Variants in MMP26 observed in about 807,000 individuals in gnomAD.
MMP26 encodes the protein matrix metalloproteinase-26.
In MMP26, 33 loss-of-function variants were observed where a neutral mutation model predicts 31.0. That is an observed-to-expected ratio of 1.06 (90% CI 0.81 to 1.42). The LOEUF (loss-of-function observed/expected upper bound fraction) is 1.42, where lower values mean the gene tolerates loss of function less well. MMP26 is among the 40% of genes most tolerant of loss of function. The pLI is 0.00. For synonymous variants in MMP26, 122 were observed against 114.9 expected (o/e 1.06, Z -0.40); for missense variants, 347 against 316.1 (o/e 1.10, Z -0.74).
rs374028061 is a variant in MMP26, at chr11:4,774,113, T to C, written c.-145+6772T>C. ...TGCAATGAACATACATGTACATGTT[T>C]CTTTGTAACAGAATAATTTCTATTC... is the stretch of plus-strand genomic sequence containing the variant. On this transcript the variant is annotated intron_variant, in intron 2 of 7. Coordinates refer to ENST00000380390, the MANE Select transcript of MMP26 (RefSeq NM_021801.5). Among the ~76,000 whole-genome samples the C allele has an allele frequency of 1.9e-3, 297 of 152,336 alleles. 1 individual carries two copies. The highest frequency in any genetic ancestry group is 6.7e-3 in the African/African-American group (279 of 41,574).
rs141435194 is a variant in MMP26 at position 4,738,178 on chromosome 11, A to G, written c.-216-29092A>G. On this transcript the variant is annotated intron_variant, in intron 1 of 7. Transcript: ENST00000380390. ...TTTGGTATCTGTCCAAGGAGCATTC[A>G]TGTTTGCCACCTTTCCTTCTTACCT... 3.7e-4 allele frequency among the ~76,000 whole-genome samples: 56 copies of G among 152,216 alleles called. 1 individual carries two copies. The East Asian group carries it at 0.011, about 29-fold the overall frequency.
intron 1 of MMP26, among the ~76,000 whole-genome samples, chr11:4,715,793 T>G (rs180723897): frequency 7.1e-4 from 108 of 152,284 alleles, no homozygotes; most frequent in African/African-American, 2.4e-3. Context: ...TCCTGAGCAA[T>G]ACCCATGCCT....
At chr11:4,775,798 C>T (rs1281803159) in intron 2 of MMP26, among the ~76,000 whole-genome samples, 3 of 149,832 alleles carry the variant, frequency 2.0e-5, no homozygotes, top group African/African-American at 7.6e-5. Flanking sequence ...AGGAGCCAGG[C>T]CTTTATTCTG....
At chr11:4,792,482 G>A (rs955050081) in intron 2 of MMP26, among the ~76,000 whole-genome samples, 2 of 152,138 alleles carry the variant, frequency 1.3e-5, no homozygotes, top group Non-Finnish European at 2.9e-5. Flanking sequence ...GTGACTTTGA[G>A]AGTAAAGAGC....
chr11:4,780,575 G>T (rs566737277), intron 2 of MMP26, among the ~76,000 whole-genome samples: 59 of 152,062 alleles, frequency 3.9e-4, no homozygotes, highest in African/African-American at 1.4e-3. Flanking sequence ...TTGGTTATAT[G>T]TAAAAAGGAT....
At chr11:4,727,060 A>C (rs1208230024) in intron 1 of MMP26, among the ~76,000 whole-genome samples, 1 of 152,188 alleles carries the variant, frequency 6.6e-6, no homozygotes, top group Non-Finnish European at 1.5e-5. Context: ...AAAACAAGTA[A>C]GACTTTCTAT....
intron 2 of MMP26, among the ~76,000 whole-genome samples, chr11:4,768,753 A>G (rs1848664180): frequency 6.6e-6 from 1 of 152,204 alleles, no homozygotes; most frequent in Non-Finnish European, 1.5e-5. Context: ...TGCCAGGAGT[A>G]TTATTTATCA....
intron 2 of MMP26, among the ~76,000 whole-genome samples, chr11:4,873,130 A>G (rs1240149783): frequency 3.3e-5 from 5 of 152,072 alleles, no homozygotes; most frequent in African/African-American, 1.2e-4. Context: ...TTAATTAAAC[A>G]TGATCAACTT....
At chr11:4,709,297 T>C (rs1847826018) in intron 1 of MMP26, among the ~76,000 whole-genome samples, 1 of 152,174 alleles carries the variant, frequency 6.6e-6, no homozygotes, top group South Asian at 2.1e-4. Flanking sequence ...TATATGTATA[T>C]ATAAGTATCC....
At chr11:4,937,854 C>G (rs1846150365) in intron 2 of MMP26, 1 of 152,446 alleles carries the variant, frequency 6.6e-6, no homozygotes, top group African/African-American at 2.4e-5. Flanking sequence ...TCAGAAGAAC[C>G]CCTGTTTTGA....
Position 4,958,960 on chromosome 11 carries a change from C to T in MMP26, c.-144-29108C>T, listed in dbSNP as rs571810151. Among the ~76,000 whole-genome samples the T allele has an allele frequency of 6.2e-4, 94 of 152,206 alleles. 2 individuals are homozygous for T. In the South Asian group the frequency reaches 7.7e-3, roughly 12 times the overall value. On this transcript the variant is annotated intron_variant, in intron 2 of 7. Transcript: ENST00000380390. Reference sequence around the variant, plus strand: ...CAATTAACAAATGCAGAAGATAGGCCGGGCGCGGTGGCTCACGCCTGTAAT... The same window carrying T: ...CAATTAACAAATGCAGAAGATAGGCTGGGCGCGGTGGCTCACGCCTGTAAT...
At chr11:4,828,355 T>C (rs1459755763) in intron 2 of MMP26, among the ~76,000 whole-genome samples, 1 of 152,210 alleles carries the variant, frequency 6.6e-6, no homozygotes, top group Non-Finnish European at 1.5e-5. Context: ...AGTTGTCCTC[T>C]GAGCTATAAG....
chr11:4,813,232 G>A (rs1004591822), intron 2 of MMP26, among the ~76,000 whole-genome samples: 3 of 151,980 alleles, frequency 2.0e-5, no homozygotes, highest in Non-Finnish European at 2.9e-5. Context: ...CTTTTAAATA[G>A]TTTTAATGAA....
At chr11:4,961,446 A>G (rs1466398861) in intron 2 of MMP26, among the ~76,000 whole-genome samples, 1 of 152,164 alleles carries the variant, frequency 6.6e-6, no homozygotes, top group Admixed American at 6.5e-5. Flanking sequence ...ACCCTCACGG[A>G]CACATCCAAA....
At chr11:4,881,303 A>G (rs1250953924) in intron 2 of MMP26, among the ~76,000 whole-genome samples, 1 of 152,128 alleles carries the variant, frequency 6.6e-6, no homozygotes, top group African/African-American at 2.4e-5. Flanking sequence ...TTTATGAGAT[A>G]TCATTCCAAG....
intron 2 of MMP26, among the ~76,000 whole-genome samples, chr11:4,849,755 T>G (rs183872936): frequency 2.6e-5 from 4 of 152,284 alleles, no homozygotes; most frequent in Admixed American, 2.6e-4. Flanking sequence ...TATGGATCTA[T>G]TTTTTACTTT....
intron 2 of MMP26, among the ~76,000 whole-genome samples, chr11:4,777,313 T>C (rs1223572266): frequency 2.0e-5 from 3 of 152,316 alleles, no homozygotes; most frequent in East Asian, 1.9e-4. Flanking sequence ...AAACTTTATA[T>C]AGATAATGAG....
intron 2 of MMP26, among the ~76,000 whole-genome samples, chr11:4,970,251 A>G (rs1437022912): frequency 6.6e-6 from 1 of 152,232 alleles, no homozygotes; most frequent in Non-Finnish European, 1.5e-5. Flanking sequence ...TACTGACTCA[A>G]TAAGGTCTAA....
chr11:4,843,462 G>A (rs1849824181), intron 2 of MMP26, among the ~76,000 whole-genome samples: 1 of 152,214 alleles, frequency 6.6e-6, no homozygotes, highest in Admixed American at 6.5e-5. Flanking sequence ...AGCTGCTATG[G>A]CTTGGGACCT....
Sources: allele counts gnomAD v4.1 joint callset (sites outside exome capture counted in the v4.1 genomes callset), GRCh38; gene constraint gnomAD v4.1.1; transcripts MANE v1.5; gene names NCBI Gene and HGNC (gene_info 2026-07-23, HGNC 2026-07-21).